Variants in NAALADL2 observed in about 807,000 individuals in gnomAD.
The protein encoded by NAALADL2 is inactive N-acetylated-alpha-linked acidic dipeptidase-like protein 2.
In NAALADL2, 76 loss-of-function variants were observed where a neutral mutation model predicts 87.2. The ratio of observed to expected loss-of-function variants is 0.87; its 90% CI spans 0.72 to 1.05. The LOEUF is 1.05. Ranked by LOEUF, NAALADL2 falls within the 50% of genes least tolerant of loss-of-function variation. The pLI is 0.00. For missense variants in NAALADL2, 1,089 were observed against 945.8 expected (o/e 1.15, Z -1.99); for synonymous variants, 354 against 331.0 (o/e 1.07, Z -0.75).
intron 2 of NAALADL2, among the ~76,000 whole-genome samples, chr3:174,600,395 C>A (rs1718323738): frequency 6.6e-6 from 1 of 151,798 alleles, no homozygotes; most frequent in African/African-American, 2.4e-5. Flanking sequence ...TTACAATATA[C>A]CTTCAGTGAC....
chr3:174,720,455 T>G (rs2108948818), intron 2 of NAALADL2, among the ~76,000 whole-genome samples: 1 of 152,266 alleles, frequency 6.6e-6, no homozygotes, highest in Non-Finnish European at 1.5e-5. Context: ...GAGATATAGC[T>G]ACAGATATGA....
intron 1 of NAALADL2, among the ~76,000 whole-genome samples, chr3:175,074,323 A>G (rs763373664): frequency 6.6e-6 from 1 of 152,074 alleles, no homozygotes; most frequent in Non-Finnish European, 1.5e-5. Context: ...ATTTGGTGAT[A>G]TGTAAGTTAT....
intron 5 of NAALADL2, among the ~76,000 whole-genome samples, chr3:175,382,280 A>G (rs370007759): frequency 6.6e-6 from 1 of 152,144 alleles, no homozygotes; most frequent in East Asian, 1.9e-4. Flanking sequence ...ACACTTCCTT[A>G]AAAATTGAAG....
At chr3:174,669,795 A>T (rs576580770) in intron 2 of NAALADL2, among the ~76,000 whole-genome samples, 4 of 152,134 alleles carry the variant, frequency 2.6e-5, no homozygotes, top group Admixed American at 2.0e-4. Context: ...GATTTTTGAT[A>T]CATAGTTAAT....
intron 11 of NAALADL2, among the ~76,000 whole-genome samples, chr3:175,659,746 A>G (rs1731988172): frequency 6.6e-6 from 1 of 152,164 alleles, no homozygotes; most frequent in Admixed American, 6.6e-5. Context: ...GTAAAATTTA[A>G]TTTGATCTTG....
At chr3:174,532,650 C>A (rs191046594) in intron 1 of NAALADL2, among the ~76,000 whole-genome samples, 1 of 151,254 alleles carries the variant, frequency 6.6e-6, no homozygotes, top group African/African-American at 2.5e-5. Flanking sequence ...GGTTGAGCCC[C>A]TGTTTCACTA....
At chr3:174,677,088 T>C (rs550265246) in intron 2 of NAALADL2, among the ~76,000 whole-genome samples, 2 of 152,100 alleles carry the variant, frequency 1.3e-5, no homozygotes, top group Non-Finnish European at 2.9e-5. Flanking sequence ...TGTATCTGTG[T>C]AAATGCTTAC....
At chr3:175,038,400 A>G (rs1753671013) in intron 1 of NAALADL2, among the ~76,000 whole-genome samples, 1 of 152,186 alleles carries the variant, frequency 6.6e-6, no homozygotes, top group South Asian at 2.1e-4. Context: ...GTTTTGAACC[A>G]CAAGATTATG....
chr3:175,126,956 C>T (rs890325203), intron 2 of NAALADL2, among the ~76,000 whole-genome samples: 9 of 150,114 alleles, frequency 6.0e-5, no homozygotes, highest in African/African-American at 2.2e-4. Flanking sequence ...TGAGTATCGA[C>T]TGTAGAATAT....
rs1184566369 is a variant in NAALADL2, at chr3:175,431,968, A to G, written c.1091-15261A>G. Among the ~76,000 whole-genome samples the G allele has an allele frequency of 2.6e-5, 4 of 151,884 alleles. No homozygotes were observed. The East Asian group carries it at 7.7e-4, about 29-fold the overall frequency. ...CATTCTCCTTTCCCAGACTTTTCAC[A>G]TGGATCTTTACCTTTCTGTGTCGAG... On this transcript the variant is annotated intron_variant, in intron 5 of 13. Coordinates refer to ENST00000454872, the MANE Select transcript of NAALADL2 (RefSeq NM_207015.3).
chr3:174,694,109 C>A (rs2108861542), intron 2 of NAALADL2, among the ~76,000 whole-genome samples: 1 of 152,220 alleles, frequency 6.6e-6, no homozygotes, highest in Middle Eastern at 3.4e-3. Context: ...GTAATTTCAG[C>A]CATGTGGCTT....
chr3:174,477,961 T>C (rs1717312324), intron 1 of NAALADL2, among the ~76,000 whole-genome samples: 1 of 152,180 alleles, frequency 6.6e-6, no homozygotes, highest in African/African-American at 2.4e-5. Context: ...GAAAAGTCAT[T>C]GGTTGTATCC....
At chr3:175,491,117 C>A (rs1018619733) in intron 9 of NAALADL2, among the ~76,000 whole-genome samples, 29 of 146,460 alleles carry the variant, frequency 2.0e-4, no homozygotes, top group Non-Finnish European at 3.9e-4. Flanking sequence ...CTTCCAACAC[C>A]CCAGAGCTGC....
intron 10 of NAALADL2, among the ~76,000 whole-genome samples, chr3:175,615,937 G>T: frequency 6.9e-6 from 1 of 145,910 alleles, no homozygotes. Context: ...ATATGATTAT[G>T]TATGTTATAT....
chr3:174,998,108 A>G (rs1237223655), intron 1 of NAALADL2, among the ~76,000 whole-genome samples: 1 of 152,196 alleles, frequency 6.6e-6, no homozygotes, highest in Non-Finnish European at 1.5e-5. Context: ...CAAATTACTT[A>G]ATTTGTTTTC....
chr3:174,834,187 A>G (rs1723058877), intron 3 of NAALADL2, among the ~76,000 whole-genome samples: 1 of 149,460 alleles, frequency 6.7e-6, no homozygotes, highest in Admixed American at 6.6e-5. Context: ...ATGTATATTG[A>G]GAGAGTAAAT....
At chr3:175,509,336 G>T (rs531833858) in intron 9 of NAALADL2, among the ~76,000 whole-genome samples, 2 of 152,192 alleles carry the variant, frequency 1.3e-5, no homozygotes, top group East Asian at 3.9e-4. Flanking sequence ...TGAGTAGCTT[G>T]CTGGCTCAGG....
At chr3:175,259,942 C>T (rs1302528488) in intron 4 of NAALADL2, among the ~76,000 whole-genome samples, 1 of 152,016 alleles carries the variant, frequency 6.6e-6, no homozygotes, top group Non-Finnish European at 1.5e-5. Context: ...GCACGAGCAT[C>T]GCTTGAACCC....
rs768933282 is a variant in NAALADL2, at chr3:175,463,510, A to G, written c.1327+17A>G. On this transcript the variant is annotated intron_variant, in intron 7 of 13. Coordinates refer to ENST00000454872, the MANE Select transcript of NAALADL2 (RefSeq NM_207015.3). ...CATCTCCAGGTAAGTAGGGTTGAAAATTTATAATCTACACTTTATATGAAA... is the reference window on the plus strand; with the variant it reads ...CATCTCCAGGTAAGTAGGGTTGAAAGTTTATAATCTACACTTTATATGAAA... 5.2e-6 allele frequency: 7 copies of G among 1,356,986 alleles called. No individual in the cohort carries two copies. The highest frequency in any genetic ancestry group is 6.2e-6 in the Non-Finnish European group (6 of 965,946). The allele number at this position is 1,356,986 out of a possible 1,614,324, so 84.1% of individuals were successfully genotyped here.
Sources: allele counts gnomAD v4.1 joint callset (sites outside exome capture counted in the v4.1 genomes callset), GRCh38; gene constraint gnomAD v4.1.1; transcripts MANE v1.5; gene names NCBI Gene and HGNC (gene_info 2026-07-23, HGNC 2026-07-21).